Variants in CFAP74 observed in about 807,000 individuals in gnomAD.
CFAP74 encodes cilia- and flagella-associated protein 74.
In CFAP74, 124 loss-of-function variants were observed where a neutral mutation model predicts 188.9. The observed-to-expected ratio is 0.66, with a 90% CI of 0.57 to 0.76. CFAP74 has a LOEUF of 0.76. Among genes scored for constraint, CFAP74 ranks in the 30% least tolerant of loss-of-function variants. CFAP74 has a pLI of 0.00. For missense variants in CFAP74, 2,198 were observed against 2,165.2 expected (o/e 1.02, Z -0.30); for synonymous variants, 956 against 916.7 (o/e 1.04, Z -0.77).
rs544163374 is a variant in CFAP74 at position 1,996,218 on chromosome 1, C to T, written c.-19-5243G>A. On this transcript the variant is annotated intron_variant, in intron 1 of 38. Coordinates refer to ENST00000682832, the MANE Select transcript of CFAP74 (RefSeq NM_001304360.2). ...CAGGCTGGTTTCAAACTCAAGACCT[C>T]GGGTAATCCGCCCGCCTCAGCCTTC... Among the ~76,000 whole-genome samples, 235 of 152,206 alleles carry T rather than the reference C, an allele frequency of 1.5e-3. 2 individuals carry two copies. Among genetic ancestry groups the T allele is most frequent in the South Asian group, 0.011 (53 of 4,822 alleles).
Position 1,921,995 on chromosome 1 carries a change from G to A in CFAP74, c.*292C>T, listed in dbSNP as rs905574506. On this transcript the variant is annotated 3_prime_UTR_variant, in exon 39 of 39. Transcript: ENST00000682832. ...AAAATTTATTGACAGGCTGTGGAGG[G>A]CTCTCCTGGGGGCTGGGGGCTCTGA... The A allele has an allele frequency of 9.4e-6, 4 of 425,154 alleles. No individual in the cohort carries two copies. In the Admixed American group the frequency reaches 1.7e-4, roughly 18 times the overall value. The allele number at this position is 425,154 out of a possible 1,614,324, so 26.3% of individuals were successfully genotyped here.
At chr1:1,939,892 G>A (rs1343394366) in intron 23 of CFAP74, 125 bp from the exon 24 acceptor site, 10 of 939,652 alleles carry the variant, frequency 1.1e-5, no homozygotes, top group East Asian at 2.7e-5. Context: ...AGGACACGAC[G>A]AGGCCGTCTC....
intron 14 of CFAP74, among the ~76,000 whole-genome samples, chr1:1,963,450 C>T (rs1168145094): frequency 2.2e-5 from 2 of 89,136 alleles, no homozygotes; most frequent in Non-Finnish European, 4.0e-5. Flanking sequence ...GAGCAAGACT[C>T]CATCTCAAAA....
At chr1:1,955,492 A>G in intron 18 of CFAP74, 199 bp downstream of exon 18, 1 of 1,600,462 alleles carries the variant, frequency 6.2e-7, no homozygotes, top group Non-Finnish European at 8.5e-7. Flanking sequence ...CGTCAACGTG[A>G]ATGTACATTT....
chr1:1,922,552 C>G (rs1188922016), intron 38 of CFAP74, 37 bp downstream of exon 38: 16 of 1,604,142 alleles, frequency 1.0e-5, no homozygotes, highest in Non-Finnish European at 1.4e-5. Context: ...CTTTGGCGTT[C>G]CCAGGGCTCC....
intron 18 of CFAP74, among the ~76,000 whole-genome samples, chr1:1,950,220 T>C (rs1364181243): frequency 6.6e-6 from 1 of 152,298 alleles, no homozygotes; most frequent in East Asian, 1.9e-4. Context: ...CCCATTGTGG[T>C]TTTAATTTAC....
At chr1:1,936,223 A>AG (rs918447901) in intron 25 of CFAP74, among the ~76,000 whole-genome samples, 13 of 150,662 alleles carry the variant, frequency 8.6e-5, no homozygotes, top group Admixed American at 7.3e-4. Context: ...GTCTCAAAAA[A>AG]AAAAAAAAGA....
chr1:1,977,807 T>G (rs1656546599), intron 6 of CFAP74, among the ~76,000 whole-genome samples: 1 of 152,046 alleles, frequency 6.6e-6, no homozygotes, highest in Non-Finnish European at 1.5e-5. Flanking sequence ...GCAGAAGGAA[T>G]CCAAATGTTT....
intron 18 of CFAP74, chr1:1,954,715 C>T (rs1438805654): frequency 2.4e-6 from 2 of 820,296 alleles, no homozygotes; most frequent in Non-Finnish European, 3.0e-6. Context: ...CCCGGGAGGT[C>T]GAGGCTGCAG....
At chr1:1,976,472 G>A (rs1319831122) in intron 6 of CFAP74, among the ~76,000 whole-genome samples, 4 of 151,854 alleles carry the variant, frequency 2.6e-5, no homozygotes, top group African/African-American at 4.8e-5. Flanking sequence ...TTCCCGAGGC[G>A]CCCCGAGAAG....
At chr1:1,990,999 T>C (rs1558065240) in intron 1 of CFAP74, 24 bp from the exon 2 acceptor site, 4 of 1,446,310 alleles carry the variant, frequency 2.8e-6, no homozygotes, top group Middle Eastern at 1.8e-4. Flanking sequence ...TCGCAAAATA[T>C]AGATCAATAA....
rs1020518348 is a variant in CFAP74, at chr1:1,968,757, T to C, written c.1123A>G (p.Lys375Glu). ...RILKEEAEEE[K>E]RKKQHPPTSA... ...GTGGGGGGATGCTGTTTCTTCCTCT[T>C]TTCCTCCTCAGCCTCCTCTTTCAGA... The change falls in exon 11 of 39, where the codon AAG becomes GAG. Residue 375 changes from lysine to glutamate, a missense_variant. Coordinates refer to ENST00000682832, the MANE Select transcript of CFAP74 (RefSeq NM_001304360.2). This position sits in a 1 kb window ranked among gnomAD's most constrained non-coding sequence, Gnocchi z 4.3. 1.2e-6 allele frequency: 2 copies of C among 1,614,008 alleles called. No homozygotes were observed. Among genetic ancestry groups the C allele is most frequent in the Non-Finnish European group, 1.7e-6 (2 of 1,180,006 alleles).
intron 6 of CFAP74, among the ~76,000 whole-genome samples, chr1:1,982,533 C>T (rs1408707042): frequency 1.3e-5 from 2 of 152,266 alleles, no homozygotes; most frequent in Admixed American, 6.5e-5. Flanking sequence ...GAAAATTTAA[C>T]ACTGGGTGGA....
intron 1 of CFAP74, among the ~76,000 whole-genome samples, chr1:1,999,100 A>G (rs1446321298): frequency 6.6e-6 from 1 of 152,200 alleles, no homozygotes; most frequent in Non-Finnish European, 1.5e-5. Context: ...TTTAAAATGT[A>G]TATGGAAGAA....
intron 10 of CFAP74, among the ~76,000 whole-genome samples, chr1:1,970,339 C>T (rs964761745): frequency 2.0e-5 from 3 of 152,184 alleles, no homozygotes; most frequent in East Asian, 1.9e-4. Context: ...GGAAAGAGCC[C>T]GCCAGTCCCT....
intron 25 of CFAP74, among the ~76,000 whole-genome samples, chr1:1,937,182 G>A (rs1652959525): frequency 6.6e-6 from 1 of 152,260 alleles, no homozygotes; most frequent in Non-Finnish European, 1.5e-5. Context: ...AACGTGCAAA[G>A]CACTGGGCAC....
chr1:1,938,967 C>G lies in CFAP74; in HGVS notation c.2899G>C (p.Asp967His). ...LPKFVDVQPN[D>H]GFGTILPLET... The stretch of plus-strand genomic sequence containing the variant: ...AGGGGCAGGATCGTCCCAAACCCAT[C>G]GTTGGGTTGGACGTCCACAAACTGG... The change falls in exon 25 of 39, where the codon GAT becomes CAT. Residue 967 changes from aspartate to histidine, a missense_variant. Asp to His is a moderately conservative substitution (Grantham distance 81). Transcript: ENST00000682832. 2 of 1,536,088 alleles carry G rather than the reference C, an allele frequency of 1.3e-6. No individual in the cohort carries two copies. The highest frequency in any genetic ancestry group is 1.7e-6 in the Non-Finnish European group (2 of 1,146,868).
In CFAP74 at chr1:1,960,024, G is replaced by A; in HGVS notation, c.1701C>T (p.Asp567=). 2 of 1,591,844 alleles carry A rather than the reference G, an allele frequency of 1.3e-6. No individual in the cohort carries two copies. Among genetic ancestry groups the A allele is most frequent in the Non-Finnish European group, 1.7e-6 (2 of 1,171,360 alleles). ...TTCCGGCTGACAGGGGGCCAGGGGGGTCAAAGCTGCAGGACGTGACCCATA... is the reference window on the plus strand; with the variant it reads ...TTCCGGCTGACAGGGGGCCAGGGGGATCAAAGCTGCAGGACGTGACCCATA... The part of the protein sequence containing the change: ...HLRDFIHVDF[D]PPGPLSAGMS... Residue 567 remains aspartate (D), a synonymous_variant, in exon 15 of 39, where the codon GAC becomes GAT. Transcript: ENST00000682832.
intron 1 of CFAP74, among the ~76,000 whole-genome samples, chr1:1,997,062 AG>A (rs1225297578): frequency 6.6e-6 from 1 of 152,190 alleles, no homozygotes; most frequent in Non-Finnish European, 1.5e-5. Flanking sequence ...AGAACAAAAC[AG>A]GGACGCTCTC....
Sources: allele counts gnomAD v4.1 joint callset (sites outside exome capture counted in the v4.1 genomes callset), GRCh38; gene constraint gnomAD v4.1.1; non-coding constraint Gnocchi (gnomAD v3.1); transcripts MANE v1.5; gene names NCBI Gene and HGNC (gene_info 2026-07-23, HGNC 2026-07-21).